EYS: variants seen among roughly 807,000 people sequenced by gnomAD.
EYS encodes protein eyes shut homolog.
In EYS, 250 loss-of-function variants were observed where a neutral mutation model predicts 282.1. The observed-to-expected ratio is 0.89, with a 90% confidence interval of 0.80 to 0.98. The LOEUF (loss-of-function observed/expected upper bound fraction) is 0.98, where lower values mean the gene tolerates loss of function less well. EYS is among the 50% of genes least tolerant of loss of function. EYS has a pLI of 0.00. For synonymous variants in EYS, 1,355 were observed against 1,282.9 expected, an observed-to-expected ratio of 1.06 and a Z score of -1.20; for missense variants, 4,016 against 3,709.0, an observed-to-expected ratio of 1.08 and a Z score of -2.15.
chr6:64,449,406 A>C (rs1478084486), intron 26 of EYS, among the ~76,000 whole-genome samples: 1 of 152,206 alleles, frequency 6.6e-6, no homozygotes, highest in Non-Finnish European at 1.5e-5. Flanking sequence ...TGACGAGGAG[A>C]ATGGAACCAA....
intron 26 of EYS, among the ~76,000 whole-genome samples, chr6:64,486,527 G>A (rs960331304): frequency 4.6e-5 from 7 of 151,424 alleles, no homozygotes; most frequent in Admixed American, 1.3e-4. Flanking sequence ...TTACTGCTAA[G>A]TAGACACGGG....
chr6:64,617,340 C>T lies in EYS; in HGVS notation c.3684+78G>A. ...TTAACTACTCCGACCTTATTTTTCACCATATAATTTTCTACTATTTACTGT... is the reference window on the plus strand; with the variant it reads ...TTAACTACTCCGACCTTATTTTTCATCATATAATTTTCTACTATTTACTGT... On this transcript the variant is annotated intron_variant, in intron 24 of 42. Coordinates refer to ENST00000503581, the MANE Select transcript of EYS (RefSeq NM_001142800.2). The T allele has an allele frequency of 9.8e-6, 9 of 921,254 alleles. No homozygotes were observed. The South Asian group carries it at 1.3e-4, about 13-fold the overall frequency. 57.1% of individuals were successfully genotyped at this position (921,254 alleles called of 1,614,324 possible). A position where few individuals can be genotyped will look rare whatever the true frequency, so the allele number is the denominator to read the frequency against.
intron 8 of EYS, among the ~76,000 whole-genome samples, chr6:65,365,028 A>C (rs1221456875): frequency 6.6e-6 from 1 of 151,600 alleles, no homozygotes. Flanking sequence ...TTGTGAGTTG[A>C]GATAGATTGC....
chr6:65,278,020 TCTTTTCTTTTC>T (rs1457535111), intron 12 of EYS, among the ~76,000 whole-genome samples: 1 of 113,374 alleles, frequency 8.8e-6, no homozygotes, highest in African/African-American at 3.2e-5. Context: ...CAGGTTGTTT[TCTTTTCTTTTC>T]CTTTTCTTTT....
intron 14 of EYS, among the ~76,000 whole-genome samples, chr6:64,957,305 G>A (rs943846364): frequency 3.3e-5 from 5 of 152,154 alleles, no homozygotes; most frequent in African/African-American, 1.2e-4. Context: ...ATTATGAAGT[G>A]AAATAAGCCA....
intron 11 of EYS, among the ~76,000 whole-genome samples, chr6:65,322,852 C>T (rs1266693875): frequency 6.7e-6 from 1 of 149,590 alleles, no homozygotes; most frequent in Non-Finnish European, 1.5e-5. Context: ...CCATCTCAGG[C>T]TCACTGGTTC....
chr6:65,297,955 G>T (rs1768712350), intron 11 of EYS, among the ~76,000 whole-genome samples: 1 of 151,962 alleles, frequency 6.6e-6, no homozygotes, highest in African/African-American at 2.4e-5. Context: ...ATTACACGGG[G>T]CCCTATGTAT....
At chr6:64,761,310 C>G (rs1052193896) in intron 22 of EYS, among the ~76,000 whole-genome samples, 8 of 152,096 alleles carry the variant, frequency 5.3e-5, no homozygotes, top group Admixed American at 2.0e-4. Context: ...TATAACTTTT[C>G]CTTCCCTGAG....
intron 12 of EYS, among the ~76,000 whole-genome samples, chr6:65,161,451 T>A (rs1764848785): frequency 6.6e-6 from 1 of 151,072 alleles, no homozygotes; most frequent in Non-Finnish European, 1.5e-5. Context: ...CATTTTTGCC[T>A]TGCCCATTTC....
intron 22 of EYS, among the ~76,000 whole-genome samples, chr6:64,680,081 T>TG (rs1277570855): frequency 6.6e-6 from 1 of 151,802 alleles, no homozygotes; most frequent in African/African-American, 2.4e-5. Context: ...ACCTAGATGA[T>TG]GGAAAAAAAA....
intron 11 of EYS, among the ~76,000 whole-genome samples, chr6:65,299,835 T>C (rs1768767976): frequency 6.6e-6 from 1 of 152,070 alleles, no homozygotes; most frequent in Non-Finnish European, 1.5e-5. Flanking sequence ...TGTCATCCTA[T>C]GGAAGAGAAG....
intron 19 of EYS, among the ~76,000 whole-genome samples, chr6:64,840,821 C>T (rs1174487477): frequency 7.4e-6 from 1 of 134,840 alleles, no homozygotes; most frequent in Non-Finnish European, 1.6e-5. Context: ...TCCAATACTA[C>T]AGTTTTCAGC....
chr6:64,506,846 T>C (rs1230403266), intron 26 of EYS, among the ~76,000 whole-genome samples: 1 of 146,248 alleles, frequency 6.8e-6, no homozygotes, highest in Non-Finnish European at 1.5e-5. Flanking sequence ...GAGGCGGAGC[T>C]TGTAGTGAGC....
intron 2 of EYS, among the ~76,000 whole-genome samples, chr6:65,596,619 T>C (rs1765410999): frequency 6.6e-6 from 1 of 152,008 alleles, no homozygotes; most frequent in Admixed American, 6.6e-5. Flanking sequence ...CCACAGCATA[T>C]TCTAGGTTAA....
chr6:65,700,741 T>G (rs1331928460), intron 1 of EYS, among the ~76,000 whole-genome samples: 2 of 152,198 alleles, frequency 1.3e-5, no homozygotes, highest in African/African-American at 4.8e-5. Flanking sequence ...GGGTTTTCCC[T>G]TATTTCTTAA....
intron 26 of EYS, among the ~76,000 whole-genome samples, chr6:64,539,520 A>G (rs556041037): frequency 6.6e-6 from 1 of 152,278 alleles, no homozygotes; most frequent in African/African-American, 2.4e-5. Flanking sequence ...GGCTGCAGAG[A>G]TGATTATACC....
chr6:65,670,379 G>A (rs928090057), intron 1 of EYS, among the ~76,000 whole-genome samples: 1 of 151,956 alleles, frequency 6.6e-6, no homozygotes, highest in African/African-American at 2.4e-5. Context: ...TTGTTGCTAG[G>A]CATGAGGTAT....
At chr6:64,489,877 C>T (rs1454566426) in intron 26 of EYS, among the ~76,000 whole-genome samples, 1 of 150,596 alleles carries the variant, frequency 6.6e-6, no homozygotes, top group Non-Finnish European at 1.5e-5. Flanking sequence ...TGTCTTCTTT[C>T]TGAATTCATG....
At position 65,364,966 on chromosome 6, in the gene EYS, C is replaced by T. The variant is rs146818198; in HGVS notation, c.1300-11349G>A. Among the ~76,000 whole-genome samples the T allele has an allele frequency of 4.7e-4, 72 of 151,728 alleles. No homozygotes were observed. The East Asian group carries it at 9.3e-3, about 20-fold the overall frequency. ...TGGTACAATTGCATAATTAAACTCT[C>T]CACCTCATTTTAAGGAGGTCTGGTC... On this transcript the variant is annotated intron_variant, in intron 8 of 42. Transcript: ENST00000503581.
Sources: allele counts gnomAD v4.1 joint callset (sites outside exome capture counted in the v4.1 genomes callset), GRCh38; gene constraint gnomAD v4.1.1; transcripts MANE v1.5; gene names NCBI Gene and HGNC (gene_info 2026-07-23, HGNC 2026-07-21).